CLGN: variants seen among roughly 807,000 people sequenced by gnomAD.
CLGN encodes the protein calmegin, also known as testis tissue sperm-binding protein Li 79P.
In CLGN, 62 loss-of-function variants were observed where a neutral mutation model predicts 79.1. The observed-to-expected ratio is 0.78, with a 90% CI of 0.64 to 0.97. The LOEUF is 0.97. Ranked by LOEUF, CLGN falls within the 50% of genes least tolerant of loss-of-function variation. CLGN has a pLI of 0.00. For synonymous variants in CLGN, 225 were observed against 224.7 expected, an observed-to-expected ratio of 1.00 and a Z score of -0.01; for missense variants, 647 against 715.5, an observed-to-expected ratio of 0.90 and a Z score of 1.09.
intron 8 of CLGN, among the ~76,000 whole-genome samples, chr4:140,396,887 A>ATG (rs1553944625): frequency 3.7e-4 from 22 of 60,272 alleles, no homozygotes; most frequent in Admixed American, 5.3e-4. Context: ...ATATATATAT[A>ATG]TATGTATATA....
intron 1 of CLGN, among the ~76,000 whole-genome samples, chr4:140,418,134 A>T (rs1483540614): frequency 1.7e-4 from 26 of 151,832 alleles, no homozygotes; most frequent in Non-Finnish European, 3.7e-4. Flanking sequence ...GGTGCTGGGA[A>T]AACTGGCTAG....
Position 140,390,642 on chromosome 4 carries a change from C to G in CLGN, c.1738G>C (p.Gly580Arg), listed in dbSNP as rs760964931. Reference sequence around the variant, plus strand: ...TTTTCTGTTACCTCATCCTCTGACCCAGACTTATTTGATTGATTACTTTCT... The same window carrying G: ...TTTTCTGTTACCTCATCCTCTGACCGAGACTTATTTGATTGATTACTTTCT... The part of the protein sequence containing the change: ...QEESNQSNKS[G>R]SEDEMKEADE... The change falls in exon 14 of 15, where the codon GGG becomes CGG. Residue 580 changes from glycine to arginine, a missense_variant. Coordinates refer to ENST00000325617, the MANE Select transcript of CLGN (RefSeq NM_004362.3). 1.3e-6 allele frequency: 2 copies of G among 1,593,926 alleles called. No individual in the cohort carries two copies. The highest frequency in any genetic ancestry group is 1.7e-4 in the Middle Eastern group (1 of 5,982).
chr4:140,425,641 T>TG (rs1227066795), intron 1 of CLGN, among the ~76,000 whole-genome samples: 5 of 139,540 alleles, frequency 3.6e-5, no homozygotes, highest in Non-Finnish European at 7.8e-5. Context: ...TTTTTTTTTT[T>TG]TTTTTGAGAT....
At chr4:140,397,761 G>A (rs555638468) in intron 8 of CLGN, among the ~76,000 whole-genome samples, 5 of 151,930 alleles carry the variant, frequency 3.3e-5, no homozygotes, top group South Asian at 2.1e-4. Flanking sequence ...AAAATTAGCC[G>A]GGCGTGGTGG....
rs901506269 is a variant in CLGN at position 140,398,824 on chromosome 4, T to G, written c.884+27A>C. 5 of 1,602,554 alleles carry G rather than the reference T, an allele frequency of 3.1e-6. No homozygotes were observed. In the Admixed American group the frequency reaches 5.0e-5, roughly 16 times the overall value. ...TTCATTACCTAGTTATGCCAGATAA[T>G]GCTTTGCTACCGAATTATTTGCTTA... On this transcript the variant is annotated intron_variant, in intron 8 of 14. Transcript: ENST00000325617.
chr4:140,405,840 A>T, intron 5 of CLGN, 102 bp downstream of exon 5: 2 of 1,169,680 alleles, frequency 1.7e-6, no homozygotes, highest in East Asian at 5.2e-5. Flanking sequence ...CGAAAAAGGA[A>T]GATCTAGATT....
intron 4 of CLGN, among the ~76,000 whole-genome samples, chr4:140,409,393 C>G (rs1489933759): frequency 6.6e-6 from 1 of 151,948 alleles, no homozygotes; most frequent in East Asian, 1.9e-4. Context: ...GGATATAGAC[C>G]TGGAGATGAG....
intron 4 of CLGN, 93 bp from the exon 5 acceptor site, chr4:140,406,176 G>A (rs1729103553): frequency 7.9e-7 from 1 of 1,264,448 alleles, no homozygotes; most frequent in Admixed American, 2.6e-5. Context: ...TTTTATCCAG[G>A]AAGCCTGACT....
intron 4 of CLGN, among the ~76,000 whole-genome samples, chr4:140,407,058 T>G (rs73855799): frequency 0.018 from 2,754 of 152,264 alleles, 89 homozygotes; most frequent in African/African-American, 0.063. Context: ...CACAGTCTTA[T>G]AAATCAAAGA....
chr4:140,392,126 T>A, intron 13 of CLGN, 93 bp downstream of exon 13: 1 of 1,373,480 alleles, frequency 7.3e-7, no homozygotes, highest in Non-Finnish European at 1.0e-6. Flanking sequence ...AACTTGATAA[T>A]AAACAAGTAT....
At chr4:140,426,973 G>A (rs1012827513) in intron 1 of CLGN, among the ~76,000 whole-genome samples, 29 of 152,224 alleles carry the variant, frequency 1.9e-4, no homozygotes, top group African/African-American at 6.5e-4. Context: ...GCCGTGAAGT[G>A]GGGTCCCTTC....
intron 4 of CLGN, among the ~76,000 whole-genome samples, chr4:140,407,739 C>T (rs942780907): frequency 6.6e-6 from 1 of 151,886 alleles, no homozygotes; most frequent in Non-Finnish European, 1.5e-5. Flanking sequence ...GAATCAATAT[C>T]ATGAAAATGA....
At chr4:140,413,147 A>T in intron 1 of CLGN, 60 bp from the exon 2 acceptor site, 1 of 1,287,532 alleles carries the variant, frequency 7.8e-7, no homozygotes, top group South Asian at 1.3e-5. Flanking sequence ...AGTGTTAAGT[A>T]TATGTAGAAA....
chr4:140,398,396 A>C (rs987903553), intron 8 of CLGN, among the ~76,000 whole-genome samples: 2 of 149,852 alleles, frequency 1.3e-5, no homozygotes, highest in African/African-American at 4.9e-5. Context: ...CAGCCTCCCG[A>C]GTAGCTGGGA....
chr4:140,414,611 T>C (rs1358349894), intron 1 of CLGN, among the ~76,000 whole-genome samples: 1 of 143,992 alleles, frequency 6.9e-6, no homozygotes. Flanking sequence ...CGATGGAAGA[T>C]GAAATGAATG....
intron 5 of CLGN, among the ~76,000 whole-genome samples, chr4:140,404,697 C>G (rs1729065622): frequency 1.3e-5 from 2 of 151,962 alleles, no homozygotes; most frequent in African/African-American, 4.8e-5. Flanking sequence ...TTCTGTCACC[C>G]AGGCTGCAAT....
chr4:140,390,305 T>G (rs1317707439), intron 14 of CLGN, among the ~76,000 whole-genome samples: 3 of 151,832 alleles, frequency 2.0e-5, no homozygotes, highest in African/African-American at 7.2e-5. Context: ...GATAATTATC[T>G]TTTAAATATT....
chr4:140,413,683 C>T (rs1729261722), intron 1 of CLGN, among the ~76,000 whole-genome samples: 6 of 152,246 alleles, frequency 3.9e-5, no homozygotes, highest in Admixed American at 3.3e-4. Flanking sequence ...AGATTATATC[C>T]CGCACCTGGC....
At chr4:140,410,745 G>A (rs1729195733) in intron 2 of CLGN, 119 bp from the exon 3 acceptor site, 2 of 618,864 alleles carry the variant, frequency 3.2e-6, no homozygotes, top group Admixed American at 3.0e-5. Context: ...GATATGAGGT[G>A]ACAAACTCAA....
Sources: gnomAD v4.1 joint callset for allele counts (sites outside exome capture counted in the v4.1 genomes callset) on GRCh38, gnomAD v4.1.1 for gene constraint, MANE v1.5 for transcripts, NCBI Gene and HGNC (gene_info 2026-07-23, HGNC 2026-07-21) for gene names.